The following IVNS1ABP variants were observed in gnomAD, a reference collection of about 807,000 sequenced individuals.
IVNS1ABP encodes influenza virus NS1A-binding protein.
A neutral mutation model predicts 78.9 loss-of-function variants in IVNS1ABP; 25 were observed. The observed-to-expected ratio is 0.32, with a 90% CI of 0.23 to 0.44. The LOEUF (loss-of-function observed/expected upper bound fraction) is 0.44, where lower values mean the gene tolerates loss of function less well. Ranked by LOEUF, IVNS1ABP falls within the 20% of genes least tolerant of loss-of-function variation. IVNS1ABP has a pLI of 1.00. For missense variants in IVNS1ABP, 494 were observed against 768.9 expected, an observed-to-expected ratio of 0.64 and a Z score of 4.23; for synonymous variants, 241 against 259.7, an observed-to-expected ratio of 0.93 and a Z score of 0.69.
Position 185,317,196 on chromosome 1 carries a change from G to T in IVNS1ABP, c.-490C>A, listed in dbSNP as rs952100359. 2 of 397,964 alleles carry T rather than the reference G, an allele frequency of 5.0e-6. No homozygotes were observed. Among genetic ancestry groups the T allele is most frequent in the Non-Finnish European group, 8.9e-6 (2 of 225,958 alleles). 24.7% of individuals were successfully genotyped at this position (397,964 alleles called of 1,614,324 possible). ...CCGAAGCAGCAGGCGGAGAAACTGCGCCCAGCAGCTCTGAGCGACCGACCT... is the reference window on the plus strand; with the variant it reads ...CCGAAGCAGCAGGCGGAGAAACTGCTCCCAGCAGCTCTGAGCGACCGACCT... On this transcript the variant is annotated 5_prime_UTR_variant, in exon 1 of 15. Transcript: ENST00000367498.
At chr1:185,302,395 G>T (rs1044610398) in intron 8 of IVNS1ABP, among the ~76,000 whole-genome samples, 1 of 152,092 alleles carries the variant, frequency 6.6e-6, no homozygotes, top group Non-Finnish European at 1.5e-5. Context: ...ATATGGAATT[G>T]GAAGAGTAAA....
In IVNS1ABP at chr1:185,298,594, A is replaced by T; in HGVS notation, c.1676-306T>A. 1 of 359,346 alleles carries T rather than the reference A, an allele frequency of 2.8e-6. No individual in the cohort carries two copies. The highest frequency in any genetic ancestry group is 3.5e-5 in the South Asian group (1 of 28,846). The allele number at this position is 359,346 out of a possible 1,614,324, so 22.3% of individuals were successfully genotyped here. ...CTGTGGTAGTTACTATTATTATTTCAGAGAAGAAGAAAAGCAGGAAGAAGC... is the reference window on the plus strand; with the variant it reads ...CTGTGGTAGTTACTATTATTATTTCTGAGAAGAAGAAAAGCAGGAAGAAGC... On this transcript the variant is annotated intron_variant, in intron 14 of 14. Coordinates refer to ENST00000367498, the MANE Select transcript of IVNS1ABP (RefSeq NM_006469.5). The surrounding 1 kb of genome is among the most constrained non-coding windows in gnomAD (Gnocchi z 4.1).
intron 8 of IVNS1ABP, among the ~76,000 whole-genome samples, chr1:185,304,311 T>C (rs555909592): frequency 7.9e-5 from 12 of 152,296 alleles, no homozygotes; most frequent in African/African-American, 2.9e-4. Context: ...AACCTCTGCA[T>C]GTTGAAAATG....
At chr1:185,314,165 A>C (rs2102824782) in intron 1 of IVNS1ABP, among the ~76,000 whole-genome samples, 1 of 152,330 alleles carries the variant, frequency 6.6e-6, no homozygotes, top group Admixed American at 6.5e-5. Context: ...CATCTTTTTA[A>C]AACCAGAAGT....
At position 185,299,655 on chromosome 1, in the gene IVNS1ABP, T is replaced by C. The variant is rs533142594; in HGVS notation, c.1675+55A>G. On this transcript the variant is annotated intron_variant, in intron 14 of 14. Transcript: ENST00000367498. ...TCATTGGCCTTTTCTCTCAGAGTTT[T>C]AGAACAAAGTCTTGCCACTATCTAC... 2.1e-5 allele frequency: 32 copies of C among 1,548,702 alleles called. No homozygotes were observed. The Admixed American group carries it at 3.8e-4, about 19-fold the overall frequency.
chr1:185,301,636 T>G, intron 8 of IVNS1ABP, 73 bp from the exon 9 acceptor site: 1 of 1,523,834 alleles, frequency 6.6e-7, no homozygotes, highest in Non-Finnish European at 9.1e-7. Flanking sequence ...CCTGAGCTAT[T>G]CCACAACACT....
At chr1:185,307,903 C>T (rs1301369155) in intron 5 of IVNS1ABP, 1 of 1,517,310 alleles carries the variant, frequency 6.6e-7, no homozygotes, top group African/African-American at 1.4e-5. Context: ...TGTAAGTTCA[C>T]ATAAGTATTT....
intron 5 of IVNS1ABP, chr1:185,307,936 G>A: frequency 1.3e-6 from 2 of 1,539,494 alleles, no homozygotes; most frequent in Non-Finnish European, 1.7e-6. Context: ...ATTTGGTAAG[G>A]CTTCATGAAA....
intron 9 of IVNS1ABP, 98 bp downstream of exon 9, chr1:185,301,336 T>A: frequency 6.7e-7 from 1 of 1,498,504 alleles, no homozygotes; most frequent in Non-Finnish European, 9.2e-7. Context: ...CTTCTGAGTT[T>A]TTTCCTCGAG....
At chr1:185,301,253 A>G in intron 9 of IVNS1ABP, 57 bp from the exon 10 acceptor site, 11 of 1,490,706 alleles carry the variant, frequency 7.4e-6, no homozygotes, top group Non-Finnish European at 1.0e-5. Context: ...GTTTGTGTAT[A>G]TGATCCTGAA....
chr1:185,316,182 C>T (rs1302573088), intron 1 of IVNS1ABP, among the ~76,000 whole-genome samples: 1 of 152,210 alleles, frequency 6.6e-6, no homozygotes, highest in African/African-American at 2.4e-5. Flanking sequence ...GAAAGAGCGT[C>T]CCAGGCCTTC....
intron 1 of IVNS1ABP, among the ~76,000 whole-genome samples, chr1:185,313,311 G>C (rs1015314846): frequency 6.6e-6 from 1 of 152,028 alleles, no homozygotes; most frequent in African/African-American, 2.4e-5. Flanking sequence ...GACAGTACCT[G>C]ATTTTTAGTA....
intron 1 of IVNS1ABP, among the ~76,000 whole-genome samples, chr1:185,314,609 C>G (rs1393168365): frequency 6.6e-6 from 1 of 152,134 alleles, no homozygotes; most frequent in Non-Finnish European, 1.5e-5. Context: ...AGGATTTAAA[C>G]AAGGAAGCAT....
chr1:185,308,439 A>AGAAGGAATACTTTTAGAGAGCACAG (rs1234763886), intron 5 of IVNS1ABP, among the ~76,000 whole-genome samples: 2 of 152,210 alleles, frequency 1.3e-5, no homozygotes, highest in Non-Finnish European at 2.9e-5. Context: ...ATTAAATTCT[A>AGAAGGAATACTTTTAGAGAGCACAG]GAAGGAATAC....
intron 5 of IVNS1ABP, among the ~76,000 whole-genome samples, chr1:185,308,221 T>C (rs1665790134): frequency 6.6e-6 from 1 of 152,194 alleles, no homozygotes; most frequent in African/African-American, 2.4e-5. Flanking sequence ...AAAAGCATTT[T>C]AGGCTTGTAG....
intron 14 of IVNS1ABP, 135 bp downstream of exon 14, chr1:185,299,575 C>G: frequency 1.3e-6 from 1 of 787,690 alleles, no homozygotes; most frequent in Non-Finnish European, 2.2e-6. Context: ...TCACCCTAAT[C>G]TCCATTGCAT....
At chr1:185,312,872 G>A (rs1665922843) in intron 1 of IVNS1ABP, among the ~76,000 whole-genome samples, 1 of 152,058 alleles carries the variant, frequency 6.6e-6, no homozygotes, top group South Asian at 2.1e-4. Flanking sequence ...GATTTATACT[G>A]GCATGGTCAA....
rs573546003 is a variant in IVNS1ABP at position 185,308,564 on chromosome 1, C to A, written c.357+236G>T. On this transcript the variant is annotated intron_variant, in intron 5 of 14. Transcript: ENST00000367498. ...ATGCTATCAAAGGCTGACATAGCCA[C>A]CCTACCAGAGAAGATTGCTGAAAGG... 2.6e-5 allele frequency among the ~76,000 whole-genome samples: 4 copies of A among 152,242 alleles called. No homozygotes were observed. In the South Asian group the frequency reaches 8.3e-4, roughly 32 times the overall value.
At chr1:185,300,917 A>G in intron 10 of IVNS1ABP, 55 bp downstream of exon 10, 3 of 1,364,080 alleles carry the variant, frequency 2.2e-6, no homozygotes, top group South Asian at 2.4e-5. Flanking sequence ...GAAAGTTTGC[A>G]TGTCACAAAA....
Sources: gnomAD v4.1 joint callset for allele counts (sites outside exome capture counted in the v4.1 genomes callset) on GRCh38, gnomAD v4.1.1 for gene constraint, Gnocchi (gnomAD v3.1) non-coding constraint, MANE v1.5 for transcripts, NCBI Gene and HGNC (gene_info 2026-07-23, HGNC 2026-07-21) for gene names.